The following BRD1 variants were observed in gnomAD, a reference collection of about 807,000 sequenced individuals.
BRD1 encodes the protein bromodomain containing 1, also known as bromodomain-containing protein 1.
A neutral mutation model predicts 107.7 loss-of-function variants in BRD1; 24 were observed. That is an observed-to-expected ratio of 0.22 (90% confidence interval 0.16 to 0.31). The LOEUF is 0.31. BRD1 is among the 10% of genes least tolerant of loss of function. The pLI is 1.00. For synonymous variants in BRD1, 744 were observed against 686.1 expected (o/e 1.08, Z -1.32); for missense variants, 1,279 against 1,638.6 (o/e 0.78, Z 3.79).
rs1450603616 is a variant in BRD1 at position 49,783,611 on chromosome 22, G to C, written c.2857+3779C>G. ...CGTCAGCTGCAGCAGGCTCCCAGTC[G>C]GTGCCGGGCTCTCCTCTGCGTCCTT... On this transcript the variant is annotated intron_variant, in intron 8 of 12. Transcript: ENST00000404760. This position sits in a 1 kb window ranked among gnomAD's most constrained non-coding sequence, Gnocchi z 4.2. Among the ~76,000 whole-genome samples, 1 of 152,196 alleles carries C rather than the reference G, an allele frequency of 6.6e-6. No individual in the cohort carries two copies. The highest frequency in any genetic ancestry group is 2.4e-5 in the African/African-American group (1 of 41,436).
rs895538872 is a variant in BRD1, at chr22:49,773,361, C to A, written c.*872G>T. On this transcript the variant is annotated 3_prime_UTR_variant, in exon 13 of 13. Transcript: ENST00000404760. ...CTACTTTCCCCAACATAATGCTTTA[C>A]CTCTTAAAAATAAAAATAAAGTACT... 6.6e-6 allele frequency: 1 copy of A among 152,272 alleles called. No individual in the cohort carries two copies. Among genetic ancestry groups the A allele is most frequent in the East Asian group, 1.9e-4 (1 of 5,188 alleles). The allele number at this position is 152,272 out of a possible 1,614,324, so 9.4% of individuals were successfully genotyped here.
intron 7 of BRD1, among the ~76,000 whole-genome samples, chr22:49,791,695 C>T (rs6009875): frequency 0.2 from 30,657 of 151,956 alleles, 3,823 homozygotes; most frequent in African/African-American, 0.36. Context: ...TCTCCACAGA[C>T]CCCCATCTTC....
At chr22:49,774,585 C>A (rs2059044011) in intron 12 of BRD1, among the ~76,000 whole-genome samples, 169 bp from the exon 13 acceptor site, 2 of 151,996 alleles carry the variant, frequency 1.3e-5, no homozygotes. Flanking sequence ...CAGGAGTGCA[C>A]CCCTCCCTTC....
At chr22:49,814,171 A>G (rs1405460650) in intron 2 of BRD1, among the ~76,000 whole-genome samples, 1 of 152,218 alleles carries the variant, frequency 6.6e-6, no homozygotes, top group Non-Finnish European at 1.5e-5. Context: ...GGCTCTCTCC[A>G]AAGATTTCCA....
chr22:49,805,021 G>A (rs1306940069), intron 2 of BRD1, among the ~76,000 whole-genome samples: 1 of 152,154 alleles, frequency 6.6e-6, no homozygotes, highest in Non-Finnish European at 1.5e-5. Context: ...GTGTCAGCGG[G>A]CCCAAAACCT....
chr22:49,798,637 A>G lies in BRD1; in HGVS notation c.1706T>C (p.Val569Ala). The G allele has an allele frequency of 6.2e-7, 1 of 1,613,566 alleles. No individual in the cohort carries two copies. Among genetic ancestry groups the G allele is most frequent in the Non-Finnish European group, 8.5e-7 (1 of 1,179,800 alleles). ...AMELRLTPLT[V>A]LLRSVLDQLQ... Reference sequence around the variant, plus strand: ...CTGGTCCAGCACTGAGCGCAGCAGCACCGTCAGCGGGGTCAGCCGCAGCTC... The same window carrying G: ...CTGGTCCAGCACTGAGCGCAGCAGCGCCGTCAGCGGGGTCAGCCGCAGCTC... The change falls in exon 5 of 13, where the codon GTG becomes GCG. Residue 569 changes from valine (V) to alanine (A), a missense_variant. Physicochemically the swap from Val to Ala is moderately conservative, Grantham distance 64. This residue lies in a region of BRD1 where 406 missense variants were observed against 519.4 expected (regional missense o/e 0.78). Coordinates refer to ENST00000404760, the MANE Select transcript of BRD1 (RefSeq NM_001304808.3).
chr22:49,777,257 A>G, intron 9 of BRD1, 96 bp from the exon 10 acceptor site: 6 of 1,558,708 alleles, frequency 3.8e-6, no homozygotes, highest in Non-Finnish European at 5.2e-6. Context: ...CAAGCTGGCC[A>G]CGCATCCTGC....
rs2060161911 is a variant in BRD1, at chr22:49,827,755, G to A, written c.-273C>T. On this transcript the variant is annotated 5_prime_UTR_variant, in exon 1 of 13. Coordinates refer to ENST00000404760, the MANE Select transcript of BRD1 (RefSeq NM_001304808.3). The stretch of plus-strand genomic sequence containing the variant: ...GCTGGAGGCCCGGCTCGGGGGGCCC[G>A]GCCGGCGGGCGCGGGCGCGGGCGCG... 6.9e-6 allele frequency among the ~76,000 whole-genome samples: 1 copy of A among 143,948 alleles called. No individual in the cohort carries two copies. The highest frequency in any genetic ancestry group is 6.9e-5 in the Admixed American group (1 of 14,598). 94.4% of individuals were successfully genotyped at this position (143,948 alleles called of 152,430 possible).
Position 49,787,476 on chromosome 22 carries a change from G to C in BRD1, c.2771C>G (p.Thr924Ser). The change falls in exon 8 of 13, where the codon ACT becomes AGT. Residue 924 changes from threonine to serine, a missense_variant. Transcript: ENST00000404760. ...CGACCTTTTCCTTGGCTGCAGAAGA[G>C]TCTCCAACCTCGGAAGGACTACAGA... ...FLSVVLPRLE[T>S]LLQPRKRSRS... is the part of the protein sequence containing the mutation. The C allele has an allele frequency of 6.2e-7, 1 of 1,614,258 alleles. No individual in the cohort carries two copies. The highest frequency in any genetic ancestry group is 8.5e-7 in the Non-Finnish European group (1 of 1,180,048).
At chr22:49,793,082 C>A (rs1666709931) in intron 7 of BRD1, among the ~76,000 whole-genome samples, 1 of 152,192 alleles carries the variant, frequency 6.6e-6, no homozygotes, top group South Asian at 2.1e-4. Flanking sequence ...AGGCTGAGAA[C>A]CAGCTGCCAA....
At chr22:49,794,359 GT>G in intron 6 of BRD1, 65 bp from the exon 7 acceptor site, 1 of 1,536,592 alleles carries the variant, frequency 6.5e-7, no homozygotes, top group Non-Finnish European at 8.7e-7. Flanking sequence ...CACATCACCG[GT>G]CCCGTCTTTC....
rs2060099464 is a variant in BRD1 at position 49,823,023 on chromosome 22, T to C, written c.1295A>G (p.Lys432Arg). The change falls in exon 2 of 13, where the codon AAG becomes AGG. Residue 432 changes from lysine to arginine, a missense_variant. Coordinates refer to ENST00000404760, the MANE Select transcript of BRD1 (RefSeq NM_001304808.3). ...STSKVRKKAK[K>R]AKKALAEPCA... ...GGGCTCAGCCAGAGCTTTCTTAGCC[T>C]TTTTTGCCTTCTTCCTGACCTTGGA... The C allele has an allele frequency of 6.2e-7, 1 of 1,614,108 alleles. No individual in the cohort carries two copies. Among genetic ancestry groups the C allele is most frequent in the African/African-American group, 1.3e-5 (1 of 74,922 alleles).
chr22:49,776,932 G>C (rs943383597), intron 10 of BRD1, 102 bp downstream of exon 10: 3 of 1,526,344 alleles, frequency 2.0e-6, no homozygotes, highest in Non-Finnish European at 1.8e-6. Context: ...CTCCACACAG[G>C]GCACCATGCT....
intron 6 of BRD1, among the ~76,000 whole-genome samples, chr22:49,796,740 G>A (rs1306290205): frequency 6.6e-6 from 1 of 152,220 alleles, no homozygotes; most frequent in Non-Finnish European, 1.5e-5. Flanking sequence ...GGGAAGCAGG[G>A]AGCCCAGCAC....
intron 7 of BRD1, among the ~76,000 whole-genome samples, chr22:49,793,203 G>A (rs1490248612): frequency 2.6e-5 from 4 of 152,118 alleles, no homozygotes; most frequent in Admixed American, 1.3e-4. Flanking sequence ...TTCTATCAAC[G>A]TCTCCAAATC....
At position 49,787,682 on chromosome 22, in the gene BRD1, G is replaced by A. The variant is rs2059357996; in HGVS notation, c.2565C>T (p.Thr855=). ...CCGGCACATCGCCACTACTGGCGCG[G>A]GTGGGCTCTGGAGGGCGTCCGCTTA... ...ALVSGRPPEP[T]RASSGDVPAA... is the part of the protein sequence containing the mutation. Residue 855 remains threonine, a synonymous_variant, in exon 8 of 13, where the codon ACC becomes ACT. Coordinates refer to ENST00000404760, the MANE Select transcript of BRD1 (RefSeq NM_001304808.3). 6.4e-7 allele frequency: 1 copy of A among 1,550,546 alleles called. No individual in the cohort carries two copies. The highest frequency in any genetic ancestry group is 8.7e-7 in the Non-Finnish European group (1 of 1,146,994).
At chr22:49,813,760 C>T (rs1162251037) in intron 2 of BRD1, among the ~76,000 whole-genome samples, 2 of 150,984 alleles carry the variant, frequency 1.3e-5, no homozygotes, top group South Asian at 2.1e-4. Context: ...GCCCAGGAGG[C>T]GGAGGCTGCA....
chr22:49,823,219 C>T lies in BRD1; in HGVS notation c.1099G>A (p.Val367Met), dbSNP rs1196313907. 2.5e-6 allele frequency: 4 copies of T among 1,614,080 alleles called. No homozygotes were observed. The highest frequency in any genetic ancestry group is 3.4e-6 in the Non-Finnish European group (4 of 1,180,046). ...GTGCCACCGCCAGTCAGTTCCTTCA[C>T]GGGCTCCATTTTCATGTACAGGCCA... ...KAGLYMKMEP[V>M]KELTGGGTTF... The change falls in exon 2 of 13, where the codon GTG becomes ATG. Residue 367 changes from valine to methionine, a missense_variant. Val to Met is a conservative substitution (Grantham distance 21). Coordinates refer to ENST00000404760, the MANE Select transcript of BRD1 (RefSeq NM_001304808.3).
At chr22:49,775,082 C>T (rs995674465) in intron 12 of BRD1, among the ~76,000 whole-genome samples, 1 of 152,192 alleles carries the variant, frequency 6.6e-6, no homozygotes, top group African/African-American at 2.4e-5. Context: ...GGGGTCTAAA[C>T]CCTGGCACAT....
Sources: allele counts gnomAD v4.1 joint callset (sites outside exome capture counted in the v4.1 genomes callset), GRCh38; gene constraint gnomAD v4.1.1; regional missense constraint gnomAD v4.1.1; non-coding constraint Gnocchi (gnomAD v3.1); transcripts MANE v1.5; gene names NCBI Gene and HGNC (gene_info 2026-07-23, HGNC 2026-07-21).